MTSS1: variants seen among roughly 807,000 people sequenced by gnomAD.
MTSS1 encodes MTSS I-BAR domain containing 1, also known as protein MTSS 1.
Under a neutral mutation model 79.0 loss-of-function variants are expected in MTSS1, and 18 were observed. The ratio of observed to expected loss-of-function variants is 0.23; its 90% confidence interval spans 0.16 to 0.34. The LOEUF (loss-of-function observed/expected upper bound fraction) is 0.34. Among genes scored for constraint, MTSS1 ranks in the 10% least tolerant of loss-of-function variants. MTSS1 has a pLI of 1.00. For missense variants in MTSS1, 815 were observed against 986.2 expected, an observed-to-expected ratio of 0.83 and a Z score of 2.33; for synonymous variants, 341 against 368.6, an observed-to-expected ratio of 0.93 and a Z score of 0.86.
At chr8:124,725,827 A>C (rs992802175) in intron 1 of MTSS1, among the ~76,000 whole-genome samples, 3 of 152,234 alleles carry the variant, frequency 2.0e-5, no homozygotes, top group African/African-American at 7.2e-5. Flanking sequence ...GAAAATATTC[A>C]AGAATTGTCT....
chr8:124,684,653 T>TA (rs35051473), intron 3 of MTSS1, among the ~76,000 whole-genome samples: 7,908 of 152,258 alleles, frequency 0.052, 245 homozygotes, highest in East Asian at 0.068. Flanking sequence ...GCCAGACAGA[T>TA]ACCACCGGGT....
chr8:124,577,659 G>GGTCT, intron 6 of MTSS1: 1 of 517,672 alleles, frequency 1.9e-6, no homozygotes, highest in Non-Finnish European at 3.9e-6. Context: ...AGACAGAAGG[G>GGTCT]GTCTGGCTGT....
intron 3 of MTSS1, among the ~76,000 whole-genome samples, chr8:124,657,744 C>T (rs1821235472): frequency 6.6e-6 from 1 of 152,218 alleles, no homozygotes; most frequent in Non-Finnish European, 1.5e-5. Context: ...GCACCTACCT[C>T]CCTACAAAAA....
At chr8:124,581,461 TA>T (rs1554649346) in intron 6 of MTSS1, among the ~76,000 whole-genome samples, 17,587 of 115,844 alleles carry the variant, frequency 0.15, 1,176 homozygotes, top group African/African-American at 0.18. Flanking sequence ...AGAATTTTTT[TA>T]TTTTTTTTTT....
At chr8:124,628,223 TAATACAAACAGAAACCAAA>T (rs1330194382) in intron 3 of MTSS1, among the ~76,000 whole-genome samples, 2 of 152,052 alleles carry the variant, frequency 1.3e-5, no homozygotes, top group Non-Finnish European at 2.9e-5. Flanking sequence ...AGCAGGTCAG[TAATACAAACAGAAACCAAA>T]AGTTTGCTGA....
At chr8:124,625,382 A>G (rs1814460747) in intron 3 of MTSS1, among the ~76,000 whole-genome samples, 1 of 152,206 alleles carries the variant, frequency 6.6e-6, no homozygotes, top group African/African-American at 2.4e-5. Flanking sequence ...GAATCCTTCT[A>G]ATCTAGGCAC....
rs542194545 is a variant in MTSS1, at chr8:124,574,673, TCAA to T, written c.461-6140_461-6138del. Among the ~76,000 whole-genome samples, 26 of 152,306 alleles carry T rather than the reference TCAA, an allele frequency of 1.7e-4. No homozygotes were observed. The East Asian group carries it at 3.9e-3, about 23-fold the overall frequency. The stretch of plus-strand genomic sequence containing the variant: ...GCACTCACATGGTAAGCTTCCTGGC[TCAA>T]CAAGCCAGTGGCTGTTCTCTGGCAA... On this transcript the variant is annotated intron_variant, in intron 6 of 13. Transcript: ENST00000518547.
At chr8:124,651,550 G>A (rs1819973369) in intron 3 of MTSS1, among the ~76,000 whole-genome samples, 2 of 152,194 alleles carry the variant, frequency 1.3e-5, no homozygotes, top group South Asian at 4.1e-4. Context: ...AATAAAGGCT[G>A]GGGACAATTC....
chr8:124,600,506 G>A (rs561602485), intron 3 of MTSS1, among the ~76,000 whole-genome samples: 32 of 152,342 alleles, frequency 2.1e-4, no homozygotes, highest in African/African-American at 7.7e-4. Context: ...CTGAAGGCAG[G>A]GGCTGGAATA....
Position 124,709,375 on chromosome 8 carries a change from C to T in MTSS1, c.73-5184G>A, listed in dbSNP as rs140104484. Among the ~76,000 whole-genome samples, 676 of 152,150 alleles carry T rather than the reference C, an allele frequency of 4.4e-3. 3 individuals are homozygous for T. Among genetic ancestry groups the T allele is most frequent in the Middle Eastern group, 0.027 (8 of 294 alleles). On this transcript the variant is annotated intron_variant, in intron 1 of 13. Coordinates refer to ENST00000518547, the MANE Select transcript of MTSS1 (RefSeq NM_014751.6). ...ATCCCTCGGAATGCACTCCCAGAGC[C>T]GTGAAAACAATTCAACACAGACCCC... is the stretch of plus-strand genomic sequence containing the variant.
chr8:124,616,302 A>G (rs946396764), intron 3 of MTSS1, among the ~76,000 whole-genome samples: 10 of 149,030 alleles, frequency 6.7e-5, no homozygotes, highest in Admixed American at 4.8e-4. Flanking sequence ...AAGACCCTTG[A>G]CCCAGGCATC....
intron 1 of MTSS1, among the ~76,000 whole-genome samples, chr8:124,714,796 T>A (rs947844359): frequency 6.6e-6 from 1 of 152,170 alleles, no homozygotes; most frequent in Non-Finnish European, 1.5e-5. Context: ...TAAAATTGTA[T>A]AATGGGTTCA....
chr8:124,616,198 C>T (rs1836818553), intron 3 of MTSS1, among the ~76,000 whole-genome samples: 1 of 152,176 alleles, frequency 6.6e-6, no homozygotes, highest in African/African-American at 2.4e-5. Flanking sequence ...ACATCCTACG[C>T]TTCAGCATGC....
At chr8:124,658,848 G>A (rs191121971) in intron 3 of MTSS1, among the ~76,000 whole-genome samples, 21 of 152,230 alleles carry the variant, frequency 1.4e-4, no homozygotes, top group African/African-American at 4.8e-4. Context: ...ATTTGGGCAG[G>A]GACACAGATC....
intron 3 of MTSS1, among the ~76,000 whole-genome samples, chr8:124,692,069 AC>A (rs1365664235): frequency 2.1e-5 from 3 of 142,648 alleles, no homozygotes; most frequent in African/African-American, 2.6e-5. Flanking sequence ...TCACTCCATT[AC>A]CCAGGCTGGA....
chr8:124,588,362 GC>G (rs556982502), intron 5 of MTSS1, among the ~76,000 whole-genome samples: 4 of 152,158 alleles, frequency 2.6e-5, no homozygotes, highest in Non-Finnish European at 5.9e-5. Flanking sequence ...TCCTTCTGTA[GC>G]CCCCATAGCG....
At chr8:124,556,429 G>T in intron 11 of MTSS1, 24 bp from the exon 12 acceptor site, 1 of 1,586,598 alleles carries the variant, frequency 6.3e-7, no homozygotes, top group Non-Finnish European at 8.6e-7. Flanking sequence ...GTGCGGTCAG[G>T]AGCCAGGGCC....
At chr8:124,565,584 G>C (rs2303953) in intron 9 of MTSS1, 78 bp downstream of exon 9, 94,290 of 1,224,720 alleles carry the variant, frequency 0.077, 5,529 homozygotes, top group South Asian at 0.24. Context: ...AAGAGATAAG[G>C]ACTGGCTCCA....
chr8:124,589,612 C>G lies in MTSS1; in HGVS notation c.385+8G>C, dbSNP rs1407852993. ...TGCAGTGATGCGCTAGACATCTCGC[C>G]CCTGTACCTTTTGCGTGGTCTTTAT... On this transcript the variant is annotated splice_region_variant and intron_variant, in intron 5 of 13. Coordinates refer to ENST00000518547, the MANE Select transcript of MTSS1 (RefSeq NM_014751.6). The G allele has an allele frequency of 6.2e-7, 1 of 1,611,330 alleles. No homozygotes were observed. The highest frequency in any genetic ancestry group is 8.5e-7 in the Non-Finnish European group (1 of 1,178,540).
Sources: allele counts gnomAD v4.1 joint callset (sites outside exome capture counted in the v4.1 genomes callset), GRCh38; gene constraint gnomAD v4.1.1; transcripts MANE v1.5; gene names NCBI Gene and HGNC (gene_info 2026-07-23, HGNC 2026-07-21).